Variants in DAAM2 observed in about 807,000 individuals in gnomAD.
DAAM2 encodes disheveled-associated activator of morphogenesis 2.
A neutral mutation model predicts 120.7 loss-of-function variants in DAAM2; 39 were observed. That is an observed-to-expected ratio of 0.32 (90% CI 0.25 to 0.42). The LOEUF is 0.42. DAAM2 is among the 10% of genes least tolerant of loss of function. The pLI is 1.00. For missense variants in DAAM2, 1,283 were observed against 1,401.7 expected, an observed-to-expected ratio of 0.92 and a Z score of 1.35; for synonymous variants, 488 against 524.9, an observed-to-expected ratio of 0.93 and a Z score of 0.96.
chr6:39,863,369 C>G (rs546297930), intron 3 of DAAM2, among the ~76,000 whole-genome samples: 2 of 152,200 alleles, frequency 1.3e-5, no homozygotes, highest in East Asian at 3.9e-4. Flanking sequence ...AACATTTAAC[C>G]ATGTGAAGTC....
intron 1 of DAAM2, among the ~76,000 whole-genome samples, chr6:39,855,508 C>T (rs910129242): frequency 6.6e-6 from 1 of 152,180 alleles, no homozygotes; most frequent in Non-Finnish European, 1.5e-5. Context: ...ATGTCAAATA[C>T]CATTCCAATG....
In DAAM2 at chr6:39,878,205, T is replaced by A; in HGVS notation, c.1304T>A (p.Leu435His). 1 of 1,613,916 alleles carries A rather than the reference T, an allele frequency of 6.2e-7. No individual in the cohort carries two copies. The highest frequency in any genetic ancestry group is 1.1e-5 in the South Asian group (1 of 91,070). Residue 435 changes from leucine (L) to histidine (H), a missense_variant and splice_region_variant, in exon 12 of 25, where the codon CTC (leucine) becomes CAC (histidine). Around this residue, in one of 3 missense-constraint regions of DAAM2, gnomAD observed 338 missense variants for 443.9 expected, o/e 0.76. Transcript: ENST00000274867. The surrounding 1 kb of genome is among the most constrained non-coding windows in gnomAD (Gnocchi z 5.0). ...CCCTTCCCTCTATGCCCTGCCAGGC[T>A]CATCAACGAGAATGAAGTGAAACAG... The part of the protein sequence containing the change: ...NFNVKNIVNM[L>H]INENEVKQWR...
chr6:39,817,545 C>G (rs1562001178), intron 1 of DAAM2, among the ~76,000 whole-genome samples: 2 of 152,128 alleles, frequency 1.3e-5, no homozygotes, highest in Non-Finnish European at 2.9e-5. Flanking sequence ...CTCTAGACCA[C>G]TAATGATGCT....
intron 3 of DAAM2, 105 bp from the exon 4 acceptor site, chr6:39,864,328 A>T: frequency 1.2e-6 from 1 of 817,360 alleles, no homozygotes; most frequent in Non-Finnish European, 2.0e-6. Context: ...CGACATGGGC[A>T]GAGCTGAGAA....
rs188617298 is a variant in DAAM2 at position 39,866,043 on chromosome 6, G to A, written c.428+969G>A. 3.3e-5 allele frequency among the ~76,000 whole-genome samples: 5 copies of A among 152,308 alleles called. No homozygotes were observed. In the East Asian group the frequency reaches 5.8e-4, roughly 18 times the overall value. On this transcript the variant is annotated intron_variant, in intron 5 of 24. Coordinates refer to ENST00000274867, the MANE Select transcript of DAAM2 (RefSeq NM_001201427.2). ...AGCCACCCTTCACCCTTCCCCTGGC[G>A]AAAAGCTAGCCATCCATTGCATGGG... is the stretch of plus-strand genomic sequence containing the variant.
chr6:39,830,569 C>T (rs546795715), intron 1 of DAAM2, among the ~76,000 whole-genome samples: 1 of 152,240 alleles, frequency 6.6e-6, no homozygotes, highest in East Asian at 1.9e-4. Flanking sequence ...TGCAGCTGGG[C>T]CAGCAGGAGA....
intron 1 of DAAM2, among the ~76,000 whole-genome samples, chr6:39,794,937 C>T (rs1761656113): frequency 6.6e-6 from 1 of 152,174 alleles, no homozygotes; most frequent in African/African-American, 2.4e-5. Context: ...ACTCTTATCC[C>T]AGCATACAAC....
Position 39,903,929 on chromosome 6 carries a change from G to A in DAAM2, c.*1892G>A. ...ATGAAGGCTTCCAGGCAGAACAGCTGCAGAGAGTTTGGCTATATGCATCTG... is the reference window on the plus strand; with the variant it reads ...ATGAAGGCTTCCAGGCAGAACAGCTACAGAGAGTTTGGCTATATGCATCTG... On this transcript the variant is annotated 3_prime_UTR_variant, in exon 25 of 25. Transcript: ENST00000274867. 3.0e-6 allele frequency: 1 copy of A among 336,968 alleles called. No individual in the cohort carries two copies. Among genetic ancestry groups the A allele is most frequent in the South Asian group, 2.5e-5 (1 of 40,110 alleles). 20.9% of individuals were successfully genotyped at this position (336,968 alleles called of 1,614,324 possible).
chr6:39,865,150 C>A, intron 5 of DAAM2, 76 bp downstream of exon 5: 2 of 853,378 alleles, frequency 2.3e-6, no homozygotes, highest in South Asian at 1.5e-5. Flanking sequence ...AAGCCCTGTG[C>A]AGTGCTCTGC....
intron 15 of DAAM2, chr6:39,884,304 A>ACAGAC (rs1765272217): frequency 2.1e-6 from 1 of 475,378 alleles, no homozygotes; most frequent in Non-Finnish European, 3.8e-6. Context: ...GTAGAGGTGC[A>ACAGAC]CAGACCATAG....
intron 5 of DAAM2, among the ~76,000 whole-genome samples, chr6:39,866,423 C>T (rs775602611): frequency 2.0e-5 from 3 of 152,102 alleles, no homozygotes; most frequent in Non-Finnish European, 4.4e-5. Context: ...ATTTTCTAGG[C>T]GTATTTGTAC....
At chr6:39,794,469 C>A (rs1761640383) in intron 1 of DAAM2, among the ~76,000 whole-genome samples, 1 of 152,162 alleles carries the variant, frequency 6.6e-6, no homozygotes, top group Non-Finnish European at 1.5e-5. Context: ...CTCGTGCCCC[C>A]ATCAGGACAA....
chr6:39,822,727 G>A (rs1762531206), intron 1 of DAAM2: 1 of 152,230 alleles, frequency 6.6e-6, no homozygotes, highest in African/African-American at 2.4e-5. Flanking sequence ...AAGCCAGGAT[G>A]AACCTCTTAA....
chr6:39,896,396 G>A (rs576996703), intron 19 of DAAM2, among the ~76,000 whole-genome samples: 28 of 152,040 alleles, frequency 1.8e-4, no homozygotes, highest in Middle Eastern at 3.4e-3. Flanking sequence ...TAGAGACAGG[G>A]TTTCACCACG....
At position 39,900,173 on chromosome 6, in the gene DAAM2, G is replaced by A. The variant is rs755546323; in HGVS notation, c.2776G>A (p.Glu926Lys). The A allele has an allele frequency of 1.7e-5, 28 of 1,608,096 alleles. No individual in the cohort carries two copies. The highest frequency in any genetic ancestry group is 2.0e-5 in the Non-Finnish European group (24 of 1,177,406). Residue 926 changes from glutamate (E) to lysine (K), a missense_variant, in exon 23 of 25, where the codon GAG becomes AAG. By Grantham distance (56) the Glu-to-Lys change is moderately conservative. Around this residue, in one of 3 missense-constraint regions of DAAM2, gnomAD observed 748 missense variants for 768.6 expected, o/e 0.97. Transcript: ENST00000274867. ...CACGGTGTCCAGCTTCAGCTTCTCC[G>A]AGCTGGAGGACCAGCTAAATGAGGC... ...FITVSSFSFS[E>K]LEDQLNEARD...
At chr6:39,798,955 T>A (rs1477905985) in intron 1 of DAAM2, among the ~76,000 whole-genome samples, 1 of 152,138 alleles carries the variant, frequency 6.6e-6, no homozygotes, top group Non-Finnish European at 1.5e-5. Context: ...AAAGTCAAAT[T>A]GCATTGTAGA....
intron 1 of DAAM2, among the ~76,000 whole-genome samples, chr6:39,840,277 T>C (rs75060172): frequency 0.015 from 2,281 of 152,282 alleles, 28 homozygotes; most frequent in South Asian, 0.023. Flanking sequence ...AGAACCTGCC[T>C]CTAATCCTGG....
At chr6:39,843,763 TTGC>T (rs1763447761) in intron 1 of DAAM2, among the ~76,000 whole-genome samples, 1 of 152,112 alleles carries the variant, frequency 6.6e-6, no homozygotes, top group South Asian at 2.1e-4. Flanking sequence ...TGGGGCCCAA[TTGC>T]TGCCTGTGAG....
At chr6:39,852,375 C>T (rs1763838718) in intron 1 of DAAM2, among the ~76,000 whole-genome samples, 1 of 152,220 alleles carries the variant, frequency 6.6e-6, no homozygotes, top group Non-Finnish European at 1.5e-5. Context: ...ATTTGCTTAT[C>T]TTTCTACCCA....
Sources: allele counts gnomAD v4.1 joint callset (sites outside exome capture counted in the v4.1 genomes callset), GRCh38; gene constraint gnomAD v4.1.1; regional missense constraint gnomAD v4.1.1; non-coding constraint Gnocchi (gnomAD v3.1); transcripts MANE v1.5; gene names NCBI Gene and HGNC (gene_info 2026-07-23, HGNC 2026-07-21).